Variants in SYNDIG1 observed in about 807,000 individuals in gnomAD.
SYNDIG1 encodes synapse differentiation inducing 1.
In SYNDIG1, 9 loss-of-function variants were observed where a neutral mutation model predicts 19.4. That is an observed-to-expected ratio of 0.46 (90% CI 0.28 to 0.81). The LOEUF is 0.81. Among genes scored for constraint, SYNDIG1 ranks in the 30% least tolerant of loss-of-function variants. The pLI, the probability that SYNDIG1 is intolerant of heterozygous loss-of-function variation, is 0.12. For missense variants in SYNDIG1, 311 were observed against 343.3 expected (o/e 0.91, Z 0.74); for synonymous variants, 141 against 145.9 (o/e 0.97, Z 0.24).
intron 2 of SYNDIG1, among the ~76,000 whole-genome samples, chr20:24,548,979 G>C (rs1277770550): frequency 6.6e-6 from 1 of 151,982 alleles, no homozygotes; most frequent in Non-Finnish European, 1.5e-5. Context: ...GGGGTATATA[G>C]TGATGTTTTG....
chr20:24,539,204 T>C (rs1237073465), intron 1 of SYNDIG1, among the ~76,000 whole-genome samples: 1 of 152,238 alleles, frequency 6.6e-6, no homozygotes, highest in Non-Finnish European at 1.5e-5. Flanking sequence ...TGCCCTGTTT[T>C]CTTCTAAGAG....
At chr20:24,551,567 A>T (rs565114455) in intron 2 of SYNDIG1, among the ~76,000 whole-genome samples, 2 of 149,064 alleles carry the variant, frequency 1.3e-5, no homozygotes, top group Non-Finnish European at 1.5e-5. Context: ...TTTTTTTTTT[A>T]GGCGTGAGCT....
chr20:24,541,516 A>G (rs1433013875), intron 1 of SYNDIG1, among the ~76,000 whole-genome samples: 2 of 152,160 alleles, frequency 1.3e-5, no homozygotes, highest in Non-Finnish European at 2.9e-5. Flanking sequence ...GCCTTCCTCT[A>G]TAAGGAAGCA....
rs149964446 is a variant in SYNDIG1, at chr20:24,635,906, G to A, written c.619-29440G>A. ...GACCCTCTCACCAGTTTATTCTCAT[G>A]AGAGTAAACACACTTTCTGTATCTC... is the stretch of plus-strand genomic sequence containing the variant. On this transcript the variant is annotated intron_variant, in intron 3 of 3. Coordinates refer to ENST00000376862, the MANE Select transcript of SYNDIG1 (RefSeq NM_024893.3). Among the ~76,000 whole-genome samples, 521 of 152,274 alleles carry A rather than the reference G, an allele frequency of 3.4e-3. 1 individual carries two copies. Among genetic ancestry groups the A allele is most frequent in the Non-Finnish European group, 3.5e-3 (235 of 68,030 alleles).
At chr20:24,629,727 A>G (rs1293132459) in intron 3 of SYNDIG1, among the ~76,000 whole-genome samples, 1 of 152,226 alleles carries the variant, frequency 6.6e-6, no homozygotes, top group Non-Finnish European at 1.5e-5. Context: ...AGTGATTTAC[A>G]AAGCTAGCCA....
intron 2 of SYNDIG1, among the ~76,000 whole-genome samples, chr20:24,571,065 G>A (rs751958248): frequency 3.3e-5 from 5 of 152,156 alleles, no homozygotes; most frequent in Non-Finnish European, 7.3e-5. Flanking sequence ...ATGCCTGCTC[G>A]AAAAGACGAA....
At chr20:24,605,161 G>C (rs1489824610) in intron 3 of SYNDIG1, among the ~76,000 whole-genome samples, 1 of 152,140 alleles carries the variant, frequency 6.6e-6, no homozygotes, top group Non-Finnish European at 1.5e-5. Flanking sequence ...CACGCAGAAA[G>C]AAAATGCTAC....
intron 1 of SYNDIG1, among the ~76,000 whole-genome samples, chr20:24,507,056 G>A (rs898562257): frequency 2.0e-5 from 3 of 152,242 alleles, no homozygotes; most frequent in Non-Finnish European, 4.4e-5. Context: ...ATGCCAGAAA[G>A]CACTGGAAGT....
Position 24,587,037 on chromosome 20 carries a change from G to C in SYNDIG1, c.618+2044G>C, listed in dbSNP as rs545774345. On this transcript the variant is annotated intron_variant, in intron 3 of 3. Transcript: ENST00000376862. ...CACAGTAAGAGCCTCTTAGGCTTGG[G>C]TCTGAGGACTCATGGTGTTTGATAC... 3.3e-5 allele frequency among the ~76,000 whole-genome samples: 5 copies of C among 152,336 alleles called. No individual in the cohort carries two copies. The East Asian group carries it at 9.6e-4, about 29-fold the overall frequency.
intron 1 of SYNDIG1, among the ~76,000 whole-genome samples, chr20:24,488,007 A>G (rs1334532416): frequency 1.3e-5 from 2 of 152,240 alleles, no homozygotes; most frequent in Non-Finnish European, 2.9e-5. Context: ...CCAAGAATCA[A>G]GCATCCCAGC....
At chr20:24,662,939 G>C (rs1034881292) in intron 3 of SYNDIG1, among the ~76,000 whole-genome samples, 1 of 152,218 alleles carries the variant, frequency 6.6e-6, no homozygotes, top group Non-Finnish European at 1.5e-5. Context: ...TCTTGTCAAA[G>C]AGCCAGGAGC....
intron 1 of SYNDIG1, among the ~76,000 whole-genome samples, chr20:24,540,122 C>T (rs980012307): frequency 6.6e-6 from 1 of 152,174 alleles, no homozygotes; most frequent in Non-Finnish European, 1.5e-5. Flanking sequence ...AGTCCTTCAC[C>T]TCATTGGTTC....
At chr20:24,584,826 C>A (rs1300390911) in intron 2 of SYNDIG1, 30 bp from the exon 3 acceptor site, 2 of 1,613,938 alleles carry the variant, frequency 1.2e-6, no homozygotes. Flanking sequence ...ATCTTCTCTC[C>A]TGTCCTGTCC....
intron 1 of SYNDIG1, among the ~76,000 whole-genome samples, chr20:24,485,826 CT>C (rs989419450): frequency 3.3e-5 from 5 of 152,172 alleles, no homozygotes; most frequent in African/African-American, 1.2e-4. Flanking sequence ...CTCTATAGTC[CT>C]TGTGGCCTTT....
In SYNDIG1 at chr20:24,567,939, A is replaced by C. The variant is rs570658166; in HGVS notation, c.481-16917A>C. On this transcript the variant is annotated intron_variant, in intron 2 of 3. Transcript: ENST00000376862. The stretch of plus-strand genomic sequence containing the variant: ...ATCTGAGGTTAGGGGTTTGAGACCA[A>C]CCTGGCCAACATGGTGAAACCCTGT... Among the ~76,000 whole-genome samples the C allele has an allele frequency of 2.0e-5, 3 of 152,258 alleles. No individual in the cohort carries two copies. The East Asian group carries it at 5.8e-4, about 29-fold the overall frequency.
chr20:24,655,883 C>T (rs1435685858), intron 3 of SYNDIG1, among the ~76,000 whole-genome samples: 6 of 152,140 alleles, frequency 3.9e-5, no homozygotes, highest in Non-Finnish European at 8.8e-5. Context: ...GAATAGACTG[C>T]ATTGCATTCC....
rs370023869 is a variant in SYNDIG1, at chr20:24,665,533, G to T, written c.*29G>T. 2 of 1,613,602 alleles carry T rather than the reference G, an allele frequency of 1.2e-6. No homozygotes were observed. The highest frequency in any genetic ancestry group is 1.1e-5 in the South Asian group (1 of 91,010). Reference sequence around the variant, plus strand: ...TCCTGCGAATGGAGGGGGAGCACCCGGGGCCAGGTCTGTGTGGACGTGGAG... The same window carrying T: ...TCCTGCGAATGGAGGGGGAGCACCCTGGGCCAGGTCTGTGTGGACGTGGAG... On this transcript the variant is annotated 3_prime_UTR_variant, in exon 4 of 4. Coordinates refer to ENST00000376862, the MANE Select transcript of SYNDIG1 (RefSeq NM_024893.3).
At chr20:24,505,741 G>A (rs2056575277) in intron 1 of SYNDIG1, among the ~76,000 whole-genome samples, 1 of 152,210 alleles carries the variant, frequency 6.6e-6, no homozygotes, top group South Asian at 2.1e-4. Flanking sequence ...GTGGAGCTGG[G>A]ACTTATTTTA....
intron 3 of SYNDIG1, among the ~76,000 whole-genome samples, chr20:24,644,488 T>C (rs146918505): frequency 4.2e-4 from 64 of 152,336 alleles, no homozygotes; most frequent in Middle Eastern, 3.4e-3. Flanking sequence ...GGAAGAGGGC[T>C]CTGTGTGACC....
Sources: gnomAD v4.1 joint callset for allele counts (sites outside exome capture counted in the v4.1 genomes callset) on GRCh38, gnomAD v4.1.1 for gene constraint, MANE v1.5 for transcripts, NCBI Gene and HGNC (gene_info 2026-07-23, HGNC 2026-07-21) for gene names.